LSAMP: variants seen among roughly 807,000 people sequenced by gnomAD.
LSAMP encodes limbic system associated membrane protein.
LSAMP carries 7 observed loss-of-function variants against 38.6 expected under a neutral mutation model. The ratio of observed to expected loss-of-function variants is 0.18; its 90% CI spans 0.10 to 0.34. LSAMP has a LOEUF of 0.34. LSAMP is among the 10% of genes least tolerant of loss of function. The pLI is 1.00. For synonymous variants in LSAMP, 154 were observed against 166.8 expected, an observed-to-expected ratio of 0.92 and a Z score of 0.59; for missense variants, 313 against 420.0, an observed-to-expected ratio of 0.75 and a Z score of 2.23.
chr3:115,818,078 A>T (rs1210716199), intron 6 of LSAMP, among the ~76,000 whole-genome samples: 1 of 152,184 alleles, frequency 6.6e-6, no homozygotes, highest in African/African-American at 2.4e-5. Context: ...TGAGACTGAA[A>T]TTTAGGGCTC....
intron 1 of LSAMP, among the ~76,000 whole-genome samples, chr3:116,198,772 G>GAAAAAATAAAA (rs2045947293): frequency 9.7e-6 from 1 of 103,228 alleles, no homozygotes; most frequent in Non-Finnish European, 1.9e-5. Flanking sequence ...CTCCGTCTCA[G>GAAAAAATAAAA]AAAAAAAAAG....
At chr3:115,954,352 A>G (rs1324452475) in intron 3 of LSAMP, among the ~76,000 whole-genome samples, 1 of 152,162 alleles carries the variant, frequency 6.6e-6, no homozygotes, top group Non-Finnish European at 1.5e-5. Context: ...TCATGCACTT[A>G]GCTCTGTGAG....
At position 115,810,367 on chromosome 3, in the gene LSAMP, G is replaced by A. The variant is rs748611079; in HGVS notation, c.967C>T (p.Pro323Ser). The change falls in exon 7 of 7, where the codon CCA becomes TCA. Residue 323 changes from proline (P) to serine (S), a missense_variant. Transcript: ENST00000490035. The stretch of plus-strand genomic sequence containing the variant: ...AGAGATGCTGCCAGCAGCCACAGTG[G>A]TACGGCCAGACTGATGGATCCATTT... ...GINGSISLAV[P>S]LWLLAASLLC... 4 of 1,613,674 alleles carry A rather than the reference G, an allele frequency of 2.5e-6. No homozygotes were observed. The highest frequency in any genetic ancestry group is 2.2e-5 in the South Asian group (2 of 91,038).
intron 1 of LSAMP, among the ~76,000 whole-genome samples, chr3:116,324,296 T>C (rs935881537): frequency 6.6e-6 from 1 of 152,174 alleles, no homozygotes; most frequent in African/African-American, 2.4e-5. Context: ...AGTCCTCACA[T>C]TCTTTAGTTC....
intron 1 of LSAMP, among the ~76,000 whole-genome samples, chr3:116,369,100 G>A (rs1399342851): frequency 1.3e-5 from 2 of 151,574 alleles, no homozygotes; most frequent in African/African-American, 4.8e-5. Flanking sequence ...TTTATTGAAG[G>A]AAATTCACAG....
At chr3:116,203,203 C>A (rs577325582) in intron 1 of LSAMP, among the ~76,000 whole-genome samples, 1 of 152,070 alleles carries the variant, frequency 6.6e-6, no homozygotes, top group African/African-American at 2.4e-5. Flanking sequence ...ATTCCTGATA[C>A]GCAAGGCAAT....
intron 2 of LSAMP, among the ~76,000 whole-genome samples, chr3:116,085,850 T>G (rs539070141): frequency 6.6e-6 from 1 of 152,166 alleles, no homozygotes; most frequent in South Asian, 2.1e-4. Context: ...AAATAAAAAG[T>G]CCTCTGGAAA....
intron 1 of LSAMP, among the ~76,000 whole-genome samples, chr3:116,249,976 T>C (rs2046658235): frequency 6.6e-6 from 1 of 152,186 alleles, no homozygotes. Flanking sequence ...ATAGCCATTA[T>C]TGTAAATCCT....
At chr3:116,375,292 G>GA (rs1236434072) in intron 1 of LSAMP, among the ~76,000 whole-genome samples, 5 of 151,816 alleles carry the variant, frequency 3.3e-5, no homozygotes, top group Admixed American at 1.3e-4. Flanking sequence ...GAAAGTATTG[G>GA]AAAAAGAAAA....
chr3:115,888,408 G>A (rs1936511199), intron 3 of LSAMP, among the ~76,000 whole-genome samples: 1 of 151,826 alleles, frequency 6.6e-6, no homozygotes, highest in Non-Finnish European at 1.5e-5. Context: ...GAATATTGTT[G>A]TTAATTACCT....
intron 3 of LSAMP, among the ~76,000 whole-genome samples, chr3:115,981,718 T>G (rs919087911): frequency 2.6e-5 from 4 of 152,176 alleles, no homozygotes; most frequent in African/African-American, 9.6e-5. Flanking sequence ...CATGTTCTCT[T>G]GCAGACCTGA....
chr3:116,144,785 C>T (rs568212415), intron 1 of LSAMP, among the ~76,000 whole-genome samples: 31 of 151,634 alleles, frequency 2.0e-4, no homozygotes, highest in South Asian at 1.9e-3. Flanking sequence ...TCAAATTTCC[C>T]GGGTGCTTTT....
At chr3:116,260,645 T>G (rs1349335192) in intron 1 of LSAMP, among the ~76,000 whole-genome samples, 1 of 152,116 alleles carries the variant, frequency 6.6e-6, no homozygotes, top group Admixed American at 6.6e-5. Flanking sequence ...TGGAGGAGGT[T>G]GAGGGAGAGC....
intron 1 of LSAMP, among the ~76,000 whole-genome samples, chr3:116,144,590 A>G (rs931476429): frequency 6.9e-6 from 1 of 145,784 alleles, no homozygotes; most frequent in Non-Finnish European, 1.5e-5. Flanking sequence ...TTCTGCATCT[A>G]CAAGTTTTAA....
chr3:115,881,611 G>A (rs888340440), intron 3 of LSAMP, among the ~76,000 whole-genome samples: 3 of 152,050 alleles, frequency 2.0e-5, no homozygotes, highest in African/African-American at 4.8e-5. Context: ...TGGACTTGGC[G>A]GTTGTTTATA....
intron 1 of LSAMP, among the ~76,000 whole-genome samples, chr3:116,130,040 C>T (rs1484496154): frequency 6.6e-6 from 1 of 152,164 alleles, no homozygotes; most frequent in East Asian, 1.9e-4. Flanking sequence ...ACAAGCTTTT[C>T]CAAGCATATC....
intron 3 of LSAMP, among the ~76,000 whole-genome samples, chr3:115,855,691 G>T (rs1247099385): frequency 2.0e-5 from 3 of 152,096 alleles, no homozygotes; most frequent in East Asian, 3.9e-4. Flanking sequence ...TCTTTCCTTT[G>T]CCCCGGTGTG....
chr3:115,842,453 C>T lies in LSAMP; in HGVS notation c.770+5G>A, dbSNP rs1204851950. The T allele has an allele frequency of 2.5e-6, 4 of 1,613,250 alleles. 1 individual carries two copies. The South Asian group carries it at 3.3e-5, about 13-fold the overall frequency. ...GTCATGGGGGATGGTAGGTTTGGCACATACCTAGTGTCATCCCGGTACCAC... is the reference window on the plus strand; with the variant it reads ...GTCATGGGGGATGGTAGGTTTGGCATATACCTAGTGTCATCCCGGTACCAC... On this transcript the variant is annotated splice_donor_5th_base_variant and intron_variant, in intron 5 of 6. Coordinates refer to ENST00000490035, the MANE Select transcript of LSAMP (RefSeq NM_002338.5).
chr3:116,276,687 A>G (rs974809947), intron 1 of LSAMP, among the ~76,000 whole-genome samples: 4 of 145,830 alleles, frequency 2.7e-5, no homozygotes, highest in South Asian at 2.1e-4. Flanking sequence ...AAAAAAAGAA[A>G]AAAAAAAAAA....
Sources: allele counts gnomAD v4.1 joint callset (sites outside exome capture counted in the v4.1 genomes callset), GRCh38; gene constraint gnomAD v4.1.1; transcripts MANE v1.5; gene names NCBI Gene and HGNC (gene_info 2026-07-23, HGNC 2026-07-21).